Variants in PTPRA observed in about 807,000 individuals in gnomAD.
PTPRA encodes receptor-type tyrosine-protein phosphatase alpha.
In PTPRA, 25 loss-of-function variants were observed where a neutral mutation model predicts 104.8. That is an observed-to-expected ratio of 0.24 (90% CI 0.17 to 0.33). The LOEUF is 0.33. Among genes scored for constraint, PTPRA ranks in the 10% least tolerant of loss-of-function variants. PTPRA has a pLI of 1.00. For missense variants in PTPRA, 765 were observed against 1,015.3 expected (o/e 0.75, Z 3.35); for synonymous variants, 323 against 368.9 (o/e 0.88, Z 1.43).
chr20:3,010,038 C>T (rs190746554), intron 11 of PTPRA, among the ~76,000 whole-genome samples: 253 of 151,856 alleles, frequency 1.7e-3, no homozygotes, highest in Non-Finnish European at 2.5e-3. Context: ...TTAGTAGAGA[C>T]GGTGTTTTGC....
At chr20:2,911,646 A>C (rs2059726591) in intron 1 of PTPRA, among the ~76,000 whole-genome samples, 2 of 152,356 alleles carry the variant, frequency 1.3e-5, no homozygotes, top group African/African-American at 4.8e-5. Context: ...CATGGCTGGA[A>C]ATAAATTTGT....
chr20:2,967,345 C>G (rs184237197), intron 5 of PTPRA, among the ~76,000 whole-genome samples: 2 of 152,110 alleles, frequency 1.3e-5, no homozygotes, highest in Non-Finnish European at 2.9e-5. Flanking sequence ...AAACCATTAT[C>G]GCACATGGGA....
At chr20:2,880,484 T>C (rs1053033906) in intron 1 of PTPRA, among the ~76,000 whole-genome samples, 1 of 152,196 alleles carries the variant, frequency 6.6e-6, no homozygotes, top group African/African-American at 2.4e-5. Context: ...CCAGTTCTCA[T>C]TGAACTAGCC....
intron 1 of PTPRA, among the ~76,000 whole-genome samples, chr20:2,894,769 G>A (rs2058930540): frequency 2.6e-5 from 4 of 151,976 alleles, no homozygotes; most frequent in South Asian, 4.2e-4. Context: ...GGTGGATCAC[G>A]AGGTCAGGAG....
At chr20:2,872,736 G>A (rs528045432), upstream of PTPRA, among the ~76,000 whole-genome samples, 1 of 152,352 alleles carries the variant, frequency 6.6e-6, no homozygotes, top group Admixed American at 6.5e-5. The surrounding 1 kb of genome is among the most constrained non-coding windows in gnomAD (Gnocchi z 7.9). Flanking sequence ...GCGCCGGGAA[G>A]GGGGTACGCG....
chr20:2,935,472 A>G (rs2060658670), intron 2 of PTPRA, among the ~76,000 whole-genome samples: 1 of 152,246 alleles, frequency 6.6e-6, no homozygotes, highest in Admixed American at 6.5e-5. Context: ...TAGTACAGAT[A>G]TCTCTTCAAC....
intron 20 of PTPRA, among the ~76,000 whole-genome samples, chr20:3,032,367 C>T (rs568596340): frequency 6.6e-6 from 1 of 152,182 alleles, no homozygotes; most frequent in African/African-American, 2.4e-5. Context: ...TCAGCCTATA[C>T]ATGTTACATT....
At chr20:2,865,013 C>G in the PTPRA span, 2 of 1,614,132 alleles carry the variant, frequency 1.2e-6, no homozygotes, top group Non-Finnish European at 1.7e-6. This position sits in a 1 kb window ranked among gnomAD's most constrained non-coding sequence, Gnocchi z 5.2. Context: ...TGCAGACAGC[C>G]GCCGATGCCT....
chr20:2,924,770 T>C (rs1308697399), intron 2 of PTPRA, among the ~76,000 whole-genome samples: 1 of 152,102 alleles, frequency 6.6e-6, no homozygotes, highest in Admixed American at 6.6e-5. Flanking sequence ...AACCTCCGCT[T>C]CCTGGGTTCA....
chr20:2,949,914 A>G (rs1352432585), intron 3 of PTPRA, among the ~76,000 whole-genome samples: 1 of 152,106 alleles, frequency 6.6e-6, no homozygotes, highest in African/African-American at 2.4e-5. Context: ...ATCCTTGTAT[A>G]TCTTGGATAA....
At chr20:3,033,589 T>C (rs1223259137) in intron 20 of PTPRA, among the ~76,000 whole-genome samples, 2 of 150,964 alleles carry the variant, frequency 1.3e-5, no homozygotes, top group Non-Finnish European at 3.0e-5. Flanking sequence ...TATAAATCAT[T>C]GTCACTCCTT....
At chr20:3,015,156 C>G (rs1056714312) in intron 11 of PTPRA, among the ~76,000 whole-genome samples, 9 of 152,180 alleles carry the variant, frequency 5.9e-5, no homozygotes, top group Non-Finnish European at 1.2e-4. Context: ...CCAGCTTCAT[C>G]CCTGGAACCA....
intron 1 of PTPRA, among the ~76,000 whole-genome samples, chr20:2,899,953 A>G (rs1268628550): frequency 3.3e-5 from 5 of 152,114 alleles, no homozygotes; most frequent in Non-Finnish European, 7.4e-5. Flanking sequence ...CTAAAAGTAC[A>G]AAAGTTAGCC....
intron 5 of PTPRA, among the ~76,000 whole-genome samples, chr20:2,970,589 T>C (rs999580460): frequency 3.9e-5 from 6 of 152,236 alleles, no homozygotes; most frequent in African/African-American, 1.2e-4. Flanking sequence ...TTTGTACGTT[T>C]GGGAAATGAG....
At chr20:2,924,592 G>A (rs2060225343) in intron 2 of PTPRA, among the ~76,000 whole-genome samples, 1 of 152,170 alleles carries the variant, frequency 6.6e-6, no homozygotes, top group South Asian at 2.1e-4. Context: ...AAACTACAGT[G>A]ATAAAGGTCA....
chr20:3,019,135 C>T lies in PTPRA; in HGVS notation c.1041+1222C>T, dbSNP rs1600263155. 2.8e-5 allele frequency among the ~76,000 whole-genome samples: 4 copies of T among 141,792 alleles called. 1 individual carries two copies. The highest frequency in any genetic ancestry group is 8.0e-5 in the African/African-American group (3 of 37,590). The allele number at this position is 141,792 out of a possible 152,430, so 93.0% of individuals were successfully genotyped here. A position where few individuals can be genotyped will look rare whatever the true frequency, so the allele number is the denominator to read the frequency against. On this transcript the variant is annotated intron_variant, in intron 13 of 23. Transcript: ENST00000399903. ...GGCGCCCCTCACCTCCTGGACGGGG[C>T]GGCTGGCCGGGCGGGGGGCTGATCC...
intron 6 of PTPRA, among the ~76,000 whole-genome samples, chr20:2,982,534 G>T (rs2062727070): frequency 6.6e-6 from 1 of 152,066 alleles, no homozygotes; most frequent in African/African-American, 2.4e-5. Flanking sequence ...TGTACAGTGA[G>T]AATGAAGCAG....
In PTPRA at chr20:3,027,790, G is replaced by A. The variant is rs1471041471; in HGVS notation, c.1869G>A (p.Glu623=). The A allele has an allele frequency of 6.2e-7, 1 of 1,614,106 alleles. No individual in the cohort carries two copies. The highest frequency in any genetic ancestry group is 8.5e-7 in the Non-Finnish European group (1 of 1,180,052). Residue 623 remains glutamate (E), a synonymous_variant, in exon 20 of 24, where the codon GAG becomes GAA. Coordinates refer to ENST00000399903, the MANE Select transcript of PTPRA (RefSeq NM_001385305.1). ...TIEDFWRMIW[E]WKSCSIVMLT... is the part of the protein sequence containing the mutation. ...AGGACTTCTGGCGAATGATCTGGGA[G>A]TGGAAATCCTGCTCTATCGTGATGC...
intron 1 of PTPRA, among the ~76,000 whole-genome samples, chr20:2,914,455 G>A (rs2059829000): frequency 6.7e-6 from 1 of 148,456 alleles, no homozygotes; most frequent in Non-Finnish European, 1.5e-5. Flanking sequence ...CTGTGTGTGT[G>A]TGTGTGTGTG....
Sources: gnomAD v4.1 joint callset for allele counts (sites outside exome capture counted in the v4.1 genomes callset) on GRCh38, gnomAD v4.1.1 for gene constraint, Gnocchi (gnomAD v3.1) non-coding constraint, MANE v1.5 for transcripts, NCBI Gene and HGNC (gene_info 2026-07-23, HGNC 2026-07-21) for gene names.